The following GTF3C2 variants were observed in gnomAD, a reference collection of about 807,000 sequenced individuals.
GTF3C2 encodes general transcription factor IIIC subunit 2.
Under a neutral mutation model 117.4 loss-of-function variants are expected in GTF3C2, and 17 were observed. That is an observed-to-expected ratio of 0.14 (90% CI 0.10 to 0.22). The LOEUF (loss-of-function observed/expected upper bound fraction) is 0.22. GTF3C2 is among the 10% of genes least tolerant of loss of function. GTF3C2 has a pLI of 1.00. For synonymous variants in GTF3C2, 437 were observed against 427.0 expected, an observed-to-expected ratio of 1.02 and a Z score of -0.29; for missense variants, 888 against 1,143.6, an observed-to-expected ratio of 0.78 and a Z score of 3.22.
intron 12 of GTF3C2, among the ~76,000 whole-genome samples, chr2:27,330,996 G>C (rs1170889705): frequency 6.6e-6 from 1 of 152,166 alleles, no homozygotes; most frequent in Non-Finnish European, 1.5e-5. Context: ...GCGCATGCCT[G>C]TAGTCTCAGC....
intron 12 of GTF3C2, among the ~76,000 whole-genome samples, chr2:27,332,396 A>C (rs1281367744): frequency 6.6e-6 from 1 of 151,496 alleles, no homozygotes; most frequent in African/African-American, 2.4e-5. Context: ...TCACTTTTTA[A>C]TTTTTTAAAA....
At chr2:27,342,230 T>G (rs768612001) in exon 4 of GTF3C2, 8 of 1,605,768 alleles carry the variant, frequency 5.0e-6, no homozygotes, top group Non-Finnish European at 6.0e-6. Context: ...GATACAGAAG[T>G]GCCCTGTGGG....
chr2:27,327,258 T>C, exon 18 of GTF3C2: 1 of 1,603,990 alleles, frequency 6.2e-7, no homozygotes, highest in African/African-American at 1.3e-5. Context: ...GCATTGGTTC[T>C]CTACGGAGCA....
Position 27,327,073 on chromosome 2 carries a change from G to A in GTF3C2, c.2517+104C>T, listed in dbSNP as rs185237848. The A allele has an allele frequency of 3.3e-4, 231 of 697,346 alleles. 1 individual carries two copies. The African/African-American group carries it at 3.6e-3, about 11-fold the overall frequency. The allele number at this position is 697,346 out of a possible 1,614,324, so 43.2% of individuals were successfully genotyped here. A position where few individuals can be genotyped will look rare whatever the true frequency, so the allele number is the denominator to read the frequency against. On this transcript the variant is annotated intron_variant, in intron 18 of 18. Coordinates refer to ENST00000264720, the Ensembl canonical transcript of GTF3C2. ...GTACGTCTGTCATGCTCTGGAGGAG[G>A]AGGAGGTTGTCATCTGTGTAACCTT...
intron 12 of GTF3C2, among the ~76,000 whole-genome samples, chr2:27,332,873 A>C (rs1680327967): frequency 6.7e-6 from 1 of 149,788 alleles, no homozygotes; most frequent in African/African-American, 2.5e-5. Context: ...AATCTATGAC[A>C]CCCAGCTAAT....
At chr2:27,328,327 G>A (rs1680158339) in intron 16 of GTF3C2, 138 bp from the exon 17 acceptor site, 2 of 1,042,546 alleles carry the variant, frequency 1.9e-6, no homozygotes, top group African/African-American at 1.6e-5. Flanking sequence ...AGTACGGTAG[G>A]GAAGATTATA....
At chr2:27,349,795 T>TTTTTTAGTAGA (rs1681061107) in intron 1 of GTF3C2, among the ~76,000 whole-genome samples, 1 of 151,936 alleles carries the variant, frequency 6.6e-6, no homozygotes, top group Non-Finnish European at 1.5e-5. Context: ...TGTGCCACCA[T>TTTTTTAGTAGA]GCCTGGCTAA....
At chr2:27,347,060 A>C (rs1344800700) in intron 1 of GTF3C2, among the ~76,000 whole-genome samples, 7 of 152,158 alleles carry the variant, frequency 4.6e-5, no homozygotes, top group Non-Finnish European at 5.9e-5. Context: ...TTCAAACCCC[A>C]AAAAATTAGT....
chr2:27,344,116 C>G (rs1680837042), intron 1 of GTF3C2, among the ~76,000 whole-genome samples: 1 of 151,792 alleles, frequency 6.6e-6, no homozygotes, highest in Non-Finnish European at 1.5e-5. Flanking sequence ...CCTCCACCTC[C>G]TGGGTTCAAG....
intron 1 of GTF3C2, among the ~76,000 whole-genome samples, chr2:27,343,977 T>G (rs1178495153): frequency 6.6e-6 from 1 of 150,560 alleles, no homozygotes; most frequent in Non-Finnish European, 1.5e-5. Flanking sequence ...TCATGGAACT[T>G]ACATTTTGGT....
intron 4 of GTF3C2, 121 bp downstream of exon 4, chr2:27,341,827 T>C (rs970059075): frequency 9.7e-6 from 8 of 823,368 alleles, no homozygotes; most frequent in Non-Finnish European, 1.5e-5. Flanking sequence ...GACCCTTTTT[T>C]CTTTAACCTG....
chr2:27,350,112 A>C (rs1414711191), intron 1 of GTF3C2, among the ~76,000 whole-genome samples: 1 of 152,072 alleles, frequency 6.6e-6, no homozygotes, highest in African/African-American at 2.4e-5. Context: ...ATGAAGATAT[A>C]AATAAAATAA....
chr2:27,328,217 C>T, intron 16 of GTF3C2, 28 bp from the exon 17 acceptor site: 3 of 1,521,862 alleles, frequency 2.0e-6, no homozygotes, highest in African/African-American at 1.4e-5. Context: ...AAATTAGGTT[C>T]TATAATACTC....
At chr2:27,330,906 G>A (rs13419412) in intron 12 of GTF3C2, among the ~76,000 whole-genome samples, 6,325 of 151,894 alleles carry the variant, frequency 0.042, 425 homozygotes, top group African/African-American at 0.14. Flanking sequence ...AGGTTGCAGT[G>A]AGCCAAGATC....
At chr2:27,338,460 G>GCACACACACACA (rs59913490) in intron 4 of GTF3C2, among the ~76,000 whole-genome samples, 1 of 76,122 alleles carries the variant, frequency 1.3e-5, no homozygotes, top group Non-Finnish European at 3.5e-5. Flanking sequence ...GCGCACGCGC[G>GCACACACACACA]CACACACACA....
intron 16 of GTF3C2, 66 bp from the exon 17 acceptor site, chr2:27,328,255 G>A: frequency 7.5e-7 from 1 of 1,334,792 alleles, no homozygotes. Flanking sequence ...GAGGAAAGTG[G>A]TTTGGGCAGG....
chr2:27,333,459 A>G, intron 12 of GTF3C2, 196 bp downstream of exon 12: 1 of 518,044 alleles, frequency 1.9e-6, no homozygotes, highest in Non-Finnish European at 3.4e-6. Context: ...CTGGCCCAGC[A>G]TCTATGTACT....
chr2:27,326,347 T>TAAAGG (rs1680072754), exon 19 of GTF3C2: 1 of 468,364 alleles, frequency 2.1e-6, no homozygotes, highest in African/African-American at 2.0e-5. Flanking sequence ...CCCAGTACCT[T>TAAAGG]TACTTGGCTT....
At position 27,345,768 on chromosome 2, in the gene GTF3C2, C is replaced by T. The variant is rs1487316303; in HGVS notation, c.-24-2190G>A. Among the ~76,000 whole-genome samples the T allele has an allele frequency of 2.0e-5, 3 of 147,598 alleles. No homozygotes were observed. In the East Asian group the frequency reaches 6.1e-4, roughly 30 times the overall value. ...CACTATCGTTGCCCAGGCTGGAGTG[C>T]AGTGGCGTGATGTCGGCTCACTGCA... On this transcript the variant is annotated intron_variant, in intron 1 of 18. Coordinates refer to ENST00000264720, the Ensembl canonical transcript of GTF3C2.
Sources: allele counts gnomAD v4.1 joint callset (sites outside exome capture counted in the v4.1 genomes callset), GRCh38; gene constraint gnomAD v4.1.1; transcripts MANE v1.5; gene names NCBI Gene and HGNC (gene_info 2026-07-23, HGNC 2026-07-21).